PLPPR3: variants seen among roughly 807,000 people sequenced by gnomAD.
PLPPR3 encodes phospholipid phosphatase related 3, also known as phospholipid phosphatase-related protein type 3.
PLPPR3 carries 14 observed loss-of-function variants against 27.3 expected under a neutral mutation model. The observed-to-expected ratio is 0.51, with a 90% CI of 0.34 to 0.80. The LOEUF (loss-of-function observed/expected upper bound fraction) is 0.80, where lower values mean the gene tolerates loss of function less well. Among genes scored for constraint, PLPPR3 ranks in the 30% least tolerant of loss-of-function variants. The probability of loss-of-function intolerance (pLI) is 0.01; values close to 1 mark genes in which losing one functional copy is unlikely to be tolerated. For missense variants in PLPPR3, 1,287 were observed against 1,056.9 expected (o/e 1.22, Z -3.02); for synonymous variants, 671 against 508.0 (o/e 1.32, Z -4.32).
At position 812,861 on chromosome 19, in the gene PLPPR3, C is replaced by G; in HGVS notation, c.1866G>C (p.Gly622=). 1 of 1,172,972 alleles carries G rather than the reference C, an allele frequency of 8.5e-7. No homozygotes were observed. The highest frequency in any genetic ancestry group is 1.1e-6 in the Non-Finnish European group (1 of 946,994). 72.7% of individuals were successfully genotyped at this position (1,172,972 alleles called of 1,614,324 possible). The change falls in exon 8 of 8, where the codon GGG becomes GGC. Residue 622 remains glycine, a synonymous_variant. Coordinates refer to ENST00000520876, the MANE Select transcript of PLPPR3 (RefSeq NM_001270366.2). ...CGCCGCGGAAGCCGCGCGCCAGGTC[C>G]CCCAGCTCGTAGCCGCCGTCGGCCT... is the stretch of plus-strand genomic sequence containing the variant. ...KAEADGGYEL[G]DLARGFRGGA...
chr19:819,729 T>A (rs913204890), intron 2 of PLPPR3, among the ~76,000 whole-genome samples: 8 of 152,342 alleles, frequency 5.3e-5, no homozygotes, highest in African/African-American at 1.9e-4. Context: ...CCGCTGGCCG[T>A]GTGACCTGCA....
upstream of PLPPR3, among the ~76,000 whole-genome samples, chr19:823,587 T>A (rs1482172669): frequency 1.3e-5 from 2 of 152,078 alleles, no homozygotes; most frequent in Non-Finnish European, 2.9e-5. Context: ...GCGATGGGAA[T>A]AGGATGGGAA....
rs193173427 is a variant in PLPPR3, at chr19:818,610, T to C, written c.76-2759A>G. 2.0e-3 allele frequency among the ~76,000 whole-genome samples: 297 copies of C among 151,868 alleles called. 2 individuals are homozygous for C. The highest frequency in any genetic ancestry group is 0.017 in the Middle Eastern group (5 of 292). On this transcript the variant is annotated intron_variant, in intron 2 of 7. Transcript: ENST00000520876. ...GTGCAGTGGCGCGATCTCGGCTCAC[T>C]GCAAGCTCCACATCCCGGGTTCACG... is the stretch of plus-strand genomic sequence containing the variant.
At chr19:818,177 G>A (rs1435144086) in intron 2 of PLPPR3, among the ~76,000 whole-genome samples, 1 of 152,168 alleles carries the variant, frequency 6.6e-6, no homozygotes, top group African/African-American at 2.4e-5. Flanking sequence ...GAGGTCAGGA[G>A]TTTGAGACCA....
intron 4 of PLPPR3, 27 bp downstream of exon 4, chr19:815,159 A>G: frequency 6.2e-7 from 1 of 1,602,132 alleles, no homozygotes; most frequent in Non-Finnish European, 8.5e-7. Context: ...GAGGTAGCTC[A>G]GGGTCGGGGC....
Position 813,462 on chromosome 19 carries a change from C to A in PLPPR3, c.1265G>T (p.Gly422Val), listed in dbSNP as rs1821045216. The A allele has an allele frequency of 3.3e-6, 5 of 1,535,948 alleles. No individual in the cohort carries two copies. The highest frequency in any genetic ancestry group is 4.4e-6 in the Non-Finnish European group (5 of 1,145,684). The part of the protein sequence containing the change: ...KQKSLEGRGL[G>V]LPDDASPGHL... Reference sequence around the variant, plus strand: ...CCCGGGGCTGGCGTCGTCGGGCAGCCCCAGGCCGCGGCCCTCCAGGCTCTT... The same window carrying A: ...CCCGGGGCTGGCGTCGTCGGGCAGCACCAGGCCGCGGCCCTCCAGGCTCTT... The change falls in exon 8 of 8, where the codon GGG (glycine) becomes GTG (valine). Residue 422 changes from glycine to valine, a missense_variant. Transcript: ENST00000520876. The surrounding 1 kb of genome is among the most constrained non-coding windows in gnomAD (Gnocchi z 4.1).
At position 812,806 on chromosome 19, in the gene PLPPR3, A is replaced by C; in HGVS notation, c.1921T>G (p.Ser641Ala). ...GAKPPGVSPG[S>A]SVSDVDQEEP... ...TCCTGGTCCACGTCGCTGACCGACG[A>C]GCCGGGGGACACGCCCGGGGGCTTG... The change falls in exon 8 of 8, where the codon TCG (serine) becomes GCG (alanine). Residue 641 changes from serine (S) to alanine (A), a missense_variant. Physicochemically the swap from Ser to Ala is moderately conservative, Grantham distance 99 (BLOSUM62 1). Transcript: ENST00000520876. 9.1e-7 allele frequency: 1 copy of C among 1,095,686 alleles called. No homozygotes were observed. Among genetic ancestry groups the C allele is most frequent in the Non-Finnish European group, 1.1e-6 (1 of 900,102 alleles). The allele number at this position is 1,095,686 out of a possible 1,614,324, so 67.9% of individuals were successfully genotyped here. A position where few individuals can be genotyped will look rare whatever the true frequency, so the allele number is the denominator to read the frequency against.
intron 3 of PLPPR3, 69 bp downstream of exon 3, chr19:815,597 G>A (rs1309907479): frequency 2.8e-5 from 40 of 1,452,198 alleles, no homozygotes; most frequent in South Asian, 2.6e-4. Context: ...GATGTTCACC[G>A]AGGTGGCGGG....
chr19:823,298 C>T (rs1419178784), upstream of PLPPR3, among the ~76,000 whole-genome samples: 1 of 144,838 alleles, frequency 6.9e-6, no homozygotes, highest in Non-Finnish European at 1.5e-5. Flanking sequence ...AAAAATTAGC[C>T]GGACATGGTG....
Position 821,535 on chromosome 19 carries a change from T to C in PLPPR3, c.25A>G (p.Lys9Glu). 1 of 1,506,588 alleles carries C rather than the reference T, an allele frequency of 6.6e-7. No homozygotes were observed. The highest frequency in any genetic ancestry group is 8.9e-7 in the Non-Finnish European group (1 of 1,125,606). The allele number at this position is 1,506,588 out of a possible 1,614,324, so 93.3% of individuals were successfully genotyped here. The change falls in exon 2 of 8, where the codon AAG (lysine) becomes GAG (glutamate). Residue 9 changes from lysine (K) to glutamate (E), a missense_variant. Transcript: ENST00000520876. Reference sequence around the variant, plus strand: ...AGCGTCATGCTGTCCTTCGGGATCTTGTTCTTCTCCTTGGTGGAGATCATG... The same window carrying C: ...AGCGTCATGCTGTCCTTCGGGATCTCGTTCTTCTCCTTGGTGGAGATCATG... MISTKEKN[K>E]IPKDSMTLLP...
upstream of PLPPR3, among the ~76,000 whole-genome samples, chr19:823,449 A>AG (rs2035177742): frequency 7.1e-6 from 1 of 141,728 alleles, no homozygotes; most frequent in Non-Finnish European, 1.5e-5. Context: ...CTCAAAAAAA[A>AG]AAAAAAAAAC....
intron 2 of PLPPR3, among the ~76,000 whole-genome samples, chr19:817,999 C>T (rs948426896): frequency 1.3e-5 from 2 of 152,130 alleles, no homozygotes; most frequent in African/African-American, 4.8e-5. Context: ...GTTCTCTCCA[C>T]TTTCATTATC....
chr19:818,632 C>T (rs2035098966), intron 2 of PLPPR3, among the ~76,000 whole-genome samples: 2 of 152,030 alleles, frequency 1.3e-5, no homozygotes, highest in South Asian at 2.1e-4. Context: ...ATCCCGGGTT[C>T]ACGCCATTCT....
upstream of PLPPR3, among the ~76,000 whole-genome samples, chr19:823,448 A>AC (rs1568289302): frequency 4.5e-3 from 632 of 140,732 alleles, 9 homozygotes; most frequent in African/African-American, 0.017. Context: ...TCTCAAAAAA[A>AC]AAAAAAAAAA....
At chr19:820,524 C>CT (rs34412504) in intron 2 of PLPPR3, among the ~76,000 whole-genome samples, 9,897 of 138,198 alleles carry the variant, frequency 0.072, 1,017 homozygotes, top group African/African-American at 0.24. Flanking sequence ...TTATTGTCTT[C>CT]TTTTTTTTTT....
intron 2 of PLPPR3, among the ~76,000 whole-genome samples, chr19:818,050 G>T (rs2035087922): frequency 6.6e-6 from 1 of 152,298 alleles, no homozygotes. Context: ...ATCAAGCCCG[G>T]GGAGGGTCTG....
At chr19:818,594 C>G (rs911079993) in intron 2 of PLPPR3, among the ~76,000 whole-genome samples, 2 of 151,810 alleles carry the variant, frequency 1.3e-5, no homozygotes, top group South Asian at 2.1e-4. Flanking sequence ...AGTGCAGTGG[C>G]GCGATCTCGG....
At chr19:814,824 C>T (rs2035023013) in intron 5 of PLPPR3, 62 bp downstream of exon 5, 1 of 1,575,712 alleles carries the variant, frequency 6.3e-7, no homozygotes, top group African/African-American at 1.3e-5. Flanking sequence ...GTCTCTGTTT[C>T]CCCGCATGTT....
chr19:813,122 C>T lies in PLPPR3; in HGVS notation c.1605G>A (p.Arg535=), dbSNP rs1359731845. 6 of 1,506,716 alleles carry T rather than the reference C, an allele frequency of 4.0e-6. No individual in the cohort carries two copies. The highest frequency in any genetic ancestry group is 2.9e-5 in the African/African-American group (2 of 68,520). 93.3% of individuals were successfully genotyped at this position (1,506,716 alleles called of 1,614,324 possible). Residue 535 remains arginine, a synonymous_variant, in exon 8 of 8, where the codon CGG becomes CGA. Transcript: ENST00000520876. This position sits in a 1 kb window ranked among gnomAD's most constrained non-coding sequence, Gnocchi z 4.1. ...KSGAAVANPP[R]LLQVIAMSKA... ...TGGACATGGCGATGACCTGCAGCAG[C>T]CGCGGAGGGTTGGCCACTGCCGCCC...
Sources: allele counts gnomAD v4.1 joint callset (sites outside exome capture counted in the v4.1 genomes callset), GRCh38; gene constraint gnomAD v4.1.1; non-coding constraint Gnocchi (gnomAD v3.1); transcripts MANE v1.5; gene names NCBI Gene and HGNC (gene_info 2026-07-23, HGNC 2026-07-21).